The following UGT2B11 variants were observed in gnomAD, a reference collection of about 807,000 sequenced individuals.
UGT2B11 encodes the protein UDP glucuronosyltransferase family 2 member B11, also known as UDP-glucuronosyltransferase 2B11.
A neutral mutation model predicts 51.7 loss-of-function variants in UGT2B11; 49 were observed. The observed-to-expected ratio is 0.95, with a 90% CI of 0.75 to 1.20. The LOEUF is 1.20. Among genes scored for constraint, UGT2B11 ranks in the 50% most tolerant of loss-of-function variants. The pLI is 0.00. For missense variants in UGT2B11, 810 were observed against 622.1 expected (o/e 1.30, Z -3.21); for synonymous variants, 273 against 209.0 (o/e 1.31, Z -2.64).
the UGT2B11 span, among the ~76,000 whole-genome samples, chr4:69,224,283 G>A: frequency 6.6e-6 from 1 of 152,122 alleles, no homozygotes; most frequent in South Asian, 2.1e-4. Context: ...AGTAACCCTT[G>A]CAGGGAGAGC....
Position 69,210,495 on chromosome 4 carries a change from A to G in UGT2B11, c.871-2013T>C, listed in dbSNP as rs1268049377. On this transcript the variant is annotated intron_variant, in intron 2 of 5. Coordinates refer to ENST00000446444, the MANE Select transcript of UGT2B11 (RefSeq NM_001073.3). ...AATAAACAGTTAAATAGCTGGTTTC[A>G]CAACCGTTGACTTGCATTCAAAGCT... 4.6e-5 allele frequency among the ~76,000 whole-genome samples: 7 copies of G among 151,660 alleles called. No individual in the cohort carries two copies. In the East Asian group the frequency reaches 7.8e-4, roughly 17 times the overall value.
chr4:69,211,017 C>A (rs547657469), intron 2 of UGT2B11: 6 of 151,604 alleles, frequency 4.0e-5, no homozygotes, highest in Admixed American at 4.0e-4. Flanking sequence ...GAAATTATTT[C>A]GTCTTTATTA....
intron 2 of UGT2B11, among the ~76,000 whole-genome samples, chr4:69,211,981 C>T (rs973235734): frequency 2.0e-5 from 3 of 151,392 alleles, no homozygotes; most frequent in Admixed American, 1.3e-4. Context: ...ACTGTCCTGA[C>T]CACTTTATCT....
chr4:69,201,860 C>A (rs1721672514), intron 5 of UGT2B11, among the ~76,000 whole-genome samples: 2 of 151,640 alleles, frequency 1.3e-5, no homozygotes, highest in African/African-American at 2.4e-5. Context: ...GTGAATAGTT[C>A]AAAAATGGAA....
upstream of UGT2B11, chr4:69,214,765 C>T (rs2109956833): frequency 6.3e-7 from 1 of 1,593,018 alleles, no homozygotes; most frequent in Non-Finnish European, 8.5e-7. Flanking sequence ...CTGTTTCTTT[C>T]TCATACTTAT....
At chr4:69,220,417 G>A in the UGT2B11 span, among the ~76,000 whole-genome samples, 19 of 151,598 alleles carry the variant, frequency 1.3e-4, no homozygotes, top group African/African-American at 3.9e-4. Context: ...CGGCTCCACT[G>A]GGTAGTGCTC....
chr4:69,220,261 C>CA, the UGT2B11 span, among the ~76,000 whole-genome samples: 8 of 696 alleles, frequency 0.011, no homozygotes, highest in Non-Finnish European at 0.031. Context: ...TTCGGCAGTT[C>CA]AACCCTTTAG....
chr4:69,219,918 A>T, the UGT2B11 span, among the ~76,000 whole-genome samples: 2 of 152,168 alleles, frequency 1.3e-5, no homozygotes, highest in Non-Finnish European at 2.9e-5. Context: ...CCAATCCTGC[A>T]GTTCCCCAAA....
chr4:69,215,109 A>G (rs2109957187), upstream of UGT2B11: 1 of 165,626 alleles, frequency 6.0e-6, no homozygotes, highest in Admixed American at 5.9e-5. Flanking sequence ...TGGTTCAATG[A>G]ATATCTTGTA....
upstream of UGT2B11, chr4:69,216,313 G>T (rs1176774687): frequency 6.6e-6 from 1 of 151,922 alleles, no homozygotes; most frequent in Admixed American, 6.6e-5. Context: ...TTGCATCTTT[G>T]AATCATATGC....
rs528710967 is a variant in UGT2B11 at position 69,204,016 on chromosome 4, G to A, written c.1310+414C>T. Among the ~76,000 whole-genome samples the A allele has an allele frequency of 5.3e-5, 8 of 151,584 alleles. No homozygotes were observed. The South Asian group carries it at 1.7e-3, about 31-fold the overall frequency. ...TATCGAAATTAAATCTCATTTTCAA[G>A]TCTGTTAAAATAATGATGATAAAAA... On this transcript the variant is annotated intron_variant, in intron 5 of 5. Coordinates refer to ENST00000446444, the MANE Select transcript of UGT2B11 (RefSeq NM_001073.3).
At chr4:69,213,146 C>A (rs1722138955) in intron 1 of UGT2B11, among the ~76,000 whole-genome samples, 1 of 146,902 alleles carries the variant, frequency 6.8e-6, no homozygotes. Flanking sequence ...TAAGCTAATC[C>A]TTTTATCTTT....
At chr4:69,204,399 A>G in intron 5 of UGT2B11, 31 bp downstream of exon 5, 1 of 1,609,250 alleles carries the variant, frequency 6.2e-7, no homozygotes, top group Non-Finnish European at 8.5e-7. Flanking sequence ...GTCCACAAAT[A>G]CCACCTAGTG....
intron 5 of UGT2B11, 150 bp downstream of exon 5, chr4:69,204,280 G>C (rs1721767043): frequency 8.0e-7 from 1 of 1,252,666 alleles, no homozygotes; most frequent in Non-Finnish European, 1.1e-6. Context: ...TTAAATAATA[G>C]ATGATAAAAA....
the UGT2B11 span, among the ~76,000 whole-genome samples, chr4:69,222,248 G>T: frequency 6.6e-6 from 1 of 152,258 alleles, no homozygotes; most frequent in Non-Finnish European, 1.5e-5. Flanking sequence ...GCCACTGATT[G>T]GGTGATAAGT....
At chr4:69,208,829 G>C (rs1464675522) in intron 2 of UGT2B11, among the ~76,000 whole-genome samples, 1 of 151,514 alleles carries the variant, frequency 6.6e-6, no homozygotes, top group African/African-American at 2.4e-5. Flanking sequence ...TAAGTTCTTG[G>C]AATAGTGGCA....
At chr4:69,218,926 C>T (rs1433206256), upstream of UGT2B11, among the ~76,000 whole-genome samples, 2 of 152,126 alleles carry the variant, frequency 1.3e-5, no homozygotes, top group Non-Finnish European at 2.9e-5. Flanking sequence ...AGGTATGGAG[C>T]CCCATCTAGC....
At chr4:69,222,379 G>C in the UGT2B11 span, among the ~76,000 whole-genome samples, 1 of 151,858 alleles carries the variant, frequency 6.6e-6, no homozygotes, top group Non-Finnish European at 1.5e-5. Flanking sequence ...CTTTGTAATT[G>C]TGGATAGCAT....
At chr4:69,216,989 T>A (rs1045072248), upstream of UGT2B11, among the ~76,000 whole-genome samples, 6 of 152,160 alleles carry the variant, frequency 3.9e-5, no homozygotes, top group African/African-American at 1.4e-4. Context: ...GATATTAGCA[T>A]CATTTCATGT....
Sources: gnomAD v4.1 joint callset for allele counts (sites outside exome capture counted in the v4.1 genomes callset) on GRCh38, gnomAD v4.1.1 for gene constraint, MANE v1.5 for transcripts, NCBI Gene and HGNC (gene_info 2026-07-23, HGNC 2026-07-21) for gene names.